Variants in HIPK3 observed in about 807,000 individuals in gnomAD.
HIPK3 encodes the protein homeodomain interacting protein kinase 3.
In HIPK3, 47 loss-of-function variants were observed where a neutral mutation model predicts 124.2. The observed-to-expected ratio is 0.38, with a 90% CI of 0.30 to 0.48. HIPK3 has a LOEUF of 0.48. Ranked by LOEUF, HIPK3 falls within the 20% of genes least tolerant of loss-of-function variation. HIPK3 has a pLI of 0.98. For missense variants in HIPK3, 1,286 were observed against 1,454.3 expected (o/e 0.88, Z 1.88); for synonymous variants, 482 against 515.2 (o/e 0.94, Z 0.87).
intron 1 of HIPK3, among the ~76,000 whole-genome samples, chr11:33,273,515 A>AG: frequency 6.9e-6 from 1 of 145,680 alleles, no homozygotes; most frequent in Non-Finnish European, 1.5e-5. Flanking sequence ...GTCTCCACAA[A>AG]AAAAAAAAAA....
At chr11:33,301,855 C>CACACACACACACACACACACACAT (rs66571916) in intron 2 of HIPK3, among the ~76,000 whole-genome samples, 1 of 151,386 alleles carries the variant, frequency 6.6e-6, no homozygotes, top group Non-Finnish European at 1.5e-5. Flanking sequence ...CACACACACA[C>CACACACACACACACACACACACAT]GAGTACAGTA....
Position 33,328,597 on chromosome 11 carries a change from A to T in HIPK3, c.1185A>T (p.Gly395=), listed in dbSNP as rs1447409857. 2 of 1,613,726 alleles carry T rather than the reference A, an allele frequency of 1.2e-6. No homozygotes were observed. Among genetic ancestry groups the T allele is most frequent in the Non-Finnish European group, 1.7e-6 (2 of 1,179,704 alleles). The part of the protein sequence containing the change: ...LGCVIAELFL[G]WPLYPGALEY... The stretch of plus-strand genomic sequence containing the variant: ...GTGTGATTGCAGAATTATTTCTTGG[A>T]TGGCCGCTCTACCCAGGAGCCTTGG... The change falls in exon 3 of 17, where the codon GGA becomes GGT. Residue 395 remains glycine (G), a synonymous_variant. Coordinates refer to ENST00000303296, the MANE Select transcript of HIPK3 (RefSeq NM_005734.5).
In HIPK3 at chr11:33,310,311, T is replaced by TA. The variant is rs1270938065; in HGVS notation, c.1098-18198dup. Among the ~76,000 whole-genome samples the TA allele has an allele frequency of 1.1e-3, 159 of 150,872 alleles. 1 individual carries two copies. The highest frequency in any genetic ancestry group is 3.7e-3 in the African/African-American group (152 of 40,714). ...TATCTATCTATCTATCTATCTAATC[T>TA]ATCTATCTATTCTATTGAGGGTCTT... On this transcript the variant is annotated intron_variant, in intron 2 of 16. Coordinates refer to ENST00000303296, the MANE Select transcript of HIPK3 (RefSeq NM_005734.5).
chr11:33,261,002 CTT>C (rs1850804857), intron 1 of HIPK3, among the ~76,000 whole-genome samples: 1 of 150,754 alleles, frequency 6.6e-6, no homozygotes, highest in African/African-American at 2.4e-5. Context: ...CCCCCCAACA[CTT>C]TTCACTGGGA....
rs1294271446 is a variant in HIPK3 at position 33,348,797 on chromosome 11, C to T, written c.2645C>T (p.Ser882Phe). 2.0e-5 allele frequency: 32 copies of T among 1,613,472 alleles called. No individual in the cohort carries two copies. The highest frequency in any genetic ancestry group is 2.6e-5 in the Non-Finnish European group (31 of 1,179,554). ...ISSDTDEEET[S>F]QRHSLRECKG... Reference sequence around the variant, plus strand: ...AGTGACACTGATGAGGAAGAGACTTCCCAGAGACATTCACTCAGAGAGTAA... The same window carrying T: ...AGTGACACTGATGAGGAAGAGACTTTCCAGAGACATTCACTCAGAGAGTAA... The change falls in exon 13 of 17, where the codon TCC becomes TTC. Residue 882 changes from serine to phenylalanine, a missense_variant. By Grantham distance (155) the Ser-to-Phe change is radical. This residue lies in a region of HIPK3 where 810 missense variants were observed against 864.9 expected (regional missense o/e 0.94). Coordinates refer to ENST00000303296, the MANE Select transcript of HIPK3 (RefSeq NM_005734.5).
intron 14 of HIPK3, among the ~76,000 whole-genome samples, 199 bp from the exon 15 acceptor site, chr11:33,351,409 T>C (rs1014281079): frequency 3.3e-5 from 5 of 151,896 alleles, no homozygotes; most frequent in Non-Finnish European, 4.4e-5. Context: ...CAGAATTAGG[T>C]TTGGCAGTTG....
At chr11:33,343,976 A>G (rs530732388) in intron 8 of HIPK3, among the ~76,000 whole-genome samples, 45 of 152,332 alleles carry the variant, frequency 3.0e-4, no homozygotes, top group African/African-American at 1.1e-3. Context: ...GGAATAATAG[A>G]TGCTAACAAT....
intron 2 of HIPK3, among the ~76,000 whole-genome samples, chr11:33,311,975 T>TACACACACACACAC (rs71034672): frequency 0.016 from 2,207 of 136,978 alleles, 51 homozygotes; most frequent in African/African-American, 0.04. Flanking sequence ...ACCCTGTTTC[T>TACACACACACACAC]ACACACACAC....
intron 2 of HIPK3, among the ~76,000 whole-genome samples, chr11:33,287,852 G>A (rs886737381): frequency 2.3e-4 from 35 of 152,212 alleles, no homozygotes; most frequent in South Asian, 4.1e-4. Context: ...ATATCATTGG[G>A]CATTTTAGCA....
chr11:33,345,058 T>G (rs1853451932), intron 8 of HIPK3, among the ~76,000 whole-genome samples: 1 of 152,168 alleles, frequency 6.6e-6, no homozygotes, highest in Admixed American at 6.5e-5. Context: ...AAATTTTACT[T>G]TGGAGCTATC....
In HIPK3 at chr11:33,351,086, GAT is replaced by G. The variant is rs1853644880; in HGVS notation, c.2808-521_2808-520del. 2.0e-5 allele frequency among the ~76,000 whole-genome samples: 3 copies of G among 152,202 alleles called. 1 individual carries two copies. The South Asian group carries it at 6.2e-4, about 31-fold the overall frequency. The stretch of plus-strand genomic sequence containing the variant: ...TCAGGGCCCAAGAGTGTCAGGAAGA[GAT>G]GAGAAATATGGGGCTCTGTCTAGGC... On this transcript the variant is annotated intron_variant, in intron 14 of 16. Coordinates refer to ENST00000303296, the MANE Select transcript of HIPK3 (RefSeq NM_005734.5).
chr11:33,262,337 GAT>G (rs1357459853), intron 1 of HIPK3, among the ~76,000 whole-genome samples: 2 of 152,216 alleles, frequency 1.3e-5, no homozygotes, highest in African/African-American at 4.8e-5. Context: ...GTAGGACAAA[GAT>G]AGAATAGATA....
intron 1 of HIPK3, among the ~76,000 whole-genome samples, chr11:33,276,268 A>G (rs1205985542): frequency 6.6e-6 from 1 of 152,094 alleles, no homozygotes; most frequent in Non-Finnish European, 1.5e-5. Flanking sequence ...CAGTTGTTGT[A>G]TCTCTTTAGT....
intron 1 of HIPK3, among the ~76,000 whole-genome samples, chr11:33,267,748 G>A (rs1268473986): frequency 1.4e-5 from 2 of 146,134 alleles, no homozygotes; most frequent in East Asian, 2.1e-4. Flanking sequence ...CGCCCGCCTC[G>A]GCCTCCCAAA....
intron 2 of HIPK3, among the ~76,000 whole-genome samples, chr11:33,309,351 G>T (rs1852257123): frequency 6.6e-6 from 1 of 152,150 alleles, no homozygotes; most frequent in African/African-American, 2.4e-5. Context: ...GTGGCCTCAA[G>T]TGATCCTCCC....
Position 33,330,067 on chromosome 11 carries a change from A to G in HIPK3, c.1221+1434A>G, listed in dbSNP as rs539540892. Among the ~76,000 whole-genome samples, 427 of 152,320 alleles carry G rather than the reference A, an allele frequency of 2.8e-3. 1 individual carries two copies. The highest frequency in any genetic ancestry group is 9.8e-3 in the African/African-American group (406 of 41,556). On this transcript the variant is annotated intron_variant, in intron 3 of 16. Transcript: ENST00000303296. ...CCCCTTTTCATTTTATAAAGGAGAA[A>G]ACTGAGGCCCAGAAAAATGAATTCA...
chr11:33,285,840 C>T (rs753553179), intron 1 of HIPK3, among the ~76,000 whole-genome samples: 28 of 152,006 alleles, frequency 1.8e-4, no homozygotes, highest in African/African-American at 6.3e-4. Flanking sequence ...GGTGCAATCT[C>T]GGCTCACTGC....
Position 33,341,438 on chromosome 11 carries a change from T to C in HIPK3, c.1774-125T>C, listed in dbSNP as rs1274252517. 6 of 1,027,514 alleles carry C rather than the reference T, an allele frequency of 5.8e-6. No individual in the cohort carries two copies. The African/African-American group carries it at 9.9e-5, about 17-fold the overall frequency. The allele number at this position is 1,027,514 out of a possible 1,614,324, so 63.6% of individuals were successfully genotyped here. On this transcript the variant is annotated intron_variant, in intron 7 of 16. Coordinates refer to ENST00000303296, the MANE Select transcript of HIPK3 (RefSeq NM_005734.5). Reference sequence around the variant, plus strand: ...TTTTAATTTCGGCAGCTTGTTTTTGTTCTCATTTTCTGGACACATTTTAAT... The same window carrying C: ...TTTTAATTTCGGCAGCTTGTTTTTGCTCTCATTTTCTGGACACATTTTAAT...
At chr11:33,321,979 A>G (rs1670568209) in intron 2 of HIPK3, among the ~76,000 whole-genome samples, 2 of 151,950 alleles carry the variant, frequency 1.3e-5, no homozygotes, top group Non-Finnish European at 2.9e-5. Context: ...GCTTTTCTTC[A>G]TACATTCCCA....
Sources: gnomAD v4.1 joint callset for allele counts (sites outside exome capture counted in the v4.1 genomes callset) on GRCh38, gnomAD v4.1.1 for gene constraint, gnomAD v4.1.1 regional missense constraint, MANE v1.5 for transcripts, NCBI Gene and HGNC (gene_info 2026-07-23, HGNC 2026-07-21) for gene names.